The following ROBO1 variants were observed in gnomAD, a reference collection of about 807,000 sequenced individuals.
The protein encoded by ROBO1 is roundabout homolog 1.
ROBO1 carries 149 observed loss-of-function variants against 195.9 expected under a neutral mutation model. The ratio of observed to expected loss-of-function variants is 0.76; its 90% CI spans 0.67 to 0.87. The LOEUF (loss-of-function observed/expected upper bound fraction) is 0.87, where lower values mean the gene tolerates loss of function less well. Among genes scored for constraint, ROBO1 ranks in the 40% least tolerant of loss-of-function variants. The probability of loss-of-function intolerance (pLI) is 0.00; values close to 1 mark genes in which losing one functional copy is unlikely to be tolerated. For missense variants in ROBO1, 1,933 were observed against 2,068.3 expected (o/e 0.93, Z 1.27); for synonymous variants, 816 against 733.2 (o/e 1.11, Z -1.82).
intron 5 of ROBO1, among the ~76,000 whole-genome samples, chr3:78,733,534 A>AAAAGT (rs2082328180): frequency 6.6e-6 from 1 of 152,190 alleles, no homozygotes; most frequent in African/African-American, 2.4e-5. Context: ...GGAATTACTA[A>AAAAGT]AAAGTATTGA....
intron 2 of ROBO1, among the ~76,000 whole-genome samples, chr3:79,515,503 C>T (rs1288350195): frequency 1.3e-5 from 2 of 152,108 alleles, no homozygotes; most frequent in Non-Finnish European, 2.9e-5. Flanking sequence ...GCTGAGCAGA[C>T]GTTCCTTTAA....
At chr3:78,996,049 T>C (rs1376201185) in intron 3 of ROBO1, among the ~76,000 whole-genome samples, 1 of 152,086 alleles carries the variant, frequency 6.6e-6, no homozygotes, top group Non-Finnish European at 1.5e-5. Context: ...GACCATCTAG[T>C]TTTTTCAGAG....
intron 2 of ROBO1, among the ~76,000 whole-genome samples, chr3:79,335,805 G>C (rs2034641725): frequency 6.6e-6 from 1 of 152,158 alleles, no homozygotes; most frequent in African/African-American, 2.4e-5. Flanking sequence ...TGGAGAGCTT[G>C]GAAGAAGACA....
At chr3:79,048,105 C>T (rs956527599) in intron 3 of ROBO1, among the ~76,000 whole-genome samples, 1 of 152,076 alleles carries the variant, frequency 6.6e-6, no homozygotes, top group Admixed American at 6.6e-5. Flanking sequence ...GGTTACCTTG[C>T]AACCTTCCCA....
chr3:79,472,795 A>T (rs886877990), intron 2 of ROBO1, among the ~76,000 whole-genome samples: 4 of 152,176 alleles, frequency 2.6e-5, no homozygotes, highest in African/African-American at 9.6e-5. Context: ...TCTGGAGAAG[A>T]CAATCATTAA....
chr3:79,242,212 T>G (rs2082532381), intron 2 of ROBO1, among the ~76,000 whole-genome samples: 2 of 151,988 alleles, frequency 1.3e-5, no homozygotes, highest in South Asian at 4.1e-4. Flanking sequence ...AAGGAGCCTG[T>G]GTCTCTGACC....
chr3:79,474,868 T>C (rs1424691452), intron 2 of ROBO1, among the ~76,000 whole-genome samples: 2 of 152,040 alleles, frequency 1.3e-5, no homozygotes, highest in African/African-American at 4.8e-5. Context: ...GAATGTTGTA[T>C]AAAAATAACA....
At chr3:79,718,687 G>A (rs886235553) in intron 1 of ROBO1, among the ~76,000 whole-genome samples, 1 of 151,814 alleles carries the variant, frequency 6.6e-6, no homozygotes, top group South Asian at 2.1e-4. Context: ...AAATGGGCAT[G>A]GAAATAGAGT....
At chr3:79,126,685 T>C (rs572296417) in intron 2 of ROBO1, among the ~76,000 whole-genome samples, 1 of 152,294 alleles carries the variant, frequency 6.6e-6, no homozygotes, top group African/African-American at 2.4e-5. Context: ...GGATTTCTTG[T>C]TCTGAGCAGT....
At chr3:79,382,287 A>C (rs1217654644) in intron 2 of ROBO1, among the ~76,000 whole-genome samples, 1 of 152,234 alleles carries the variant, frequency 6.6e-6, no homozygotes, top group Non-Finnish European at 1.5e-5. Flanking sequence ...AACCTACTGT[A>C]CAACTTATAA....
At chr3:78,868,380 G>GA (rs5850400) in intron 4 of ROBO1, among the ~76,000 whole-genome samples, 55,766 of 149,874 alleles carry the variant, frequency 0.37, 10,731 homozygotes, top group African/African-American at 0.48. Context: ...AATTGAAAAA[G>GA]AAAAAAAAAG....
At chr3:79,241,828 G>A (rs2082524663) in intron 2 of ROBO1, among the ~76,000 whole-genome samples, 1 of 151,692 alleles carries the variant, frequency 6.6e-6, no homozygotes, top group Admixed American at 6.6e-5. Flanking sequence ...AAGATTTAGA[G>A]TAATGATGCA....
intron 2 of ROBO1, among the ~76,000 whole-genome samples, chr3:79,463,164 G>A (rs930898480): frequency 1.3e-5 from 2 of 152,022 alleles, no homozygotes; most frequent in African/African-American, 4.8e-5. Flanking sequence ...GCGAGGTCAG[G>A]AGATCAAGAC....
chr3:78,623,444 A>G (rs1354181957), intron 26 of ROBO1, among the ~76,000 whole-genome samples: 2 of 152,144 alleles, frequency 1.3e-5, no homozygotes, highest in Non-Finnish European at 2.9e-5. Context: ...CATCACAGAC[A>G]TTGTTCGGGG....
intron 2 of ROBO1, among the ~76,000 whole-genome samples, chr3:79,582,284 C>T (rs1943686470): frequency 6.6e-6 from 1 of 151,614 alleles, no homozygotes; most frequent in Admixed American, 6.6e-5. Flanking sequence ...GCAACCTCTT[C>T]TTATATATTC....
At chr3:79,203,316 C>G (rs746510366) in intron 2 of ROBO1, among the ~76,000 whole-genome samples, 7 of 152,104 alleles carry the variant, frequency 4.6e-5, no homozygotes, top group Admixed American at 1.3e-4. Context: ...CATAAAGTGC[C>G]TGAATTGGCA....
chr3:78,886,994 G>A (rs1266746034), intron 4 of ROBO1, among the ~76,000 whole-genome samples: 1 of 152,044 alleles, frequency 6.6e-6, no homozygotes, highest in East Asian at 1.9e-4. Context: ...CTTTAGTTAT[G>A]TAATTTTCTG....
Position 78,646,154 on chromosome 3 carries a change from C to T in ROBO1, c.2876G>A (p.Gly959Glu), listed in dbSNP as rs1348595077. 1 of 1,607,576 alleles carries T rather than the reference C, an allele frequency of 6.2e-7. No homozygotes were observed. Among genetic ancestry groups the T allele is most frequent in the Admixed American group, 1.7e-5 (1 of 59,858 alleles). The change falls in exon 21 of 31, where the codon GGA becomes GAA. Residue 959 changes from glycine (G) to glutamate (E), a missense_variant. Physicochemically the swap from Gly to Glu is moderately conservative, Grantham distance 98 (BLOSUM62 -2). Transcript: ENST00000464233. Reference sequence around the variant, plus strand: ...AAACAAGCAAGATAATTACCTCCCTCCACTGCTGACAGCTTCGCCTCCTCT... The same window carrying T: ...AAACAAGCAAGATAATTACCTCCCTTCACTGCTGACAGCTTCGCCTCCTCT... ...YQRGGEAVSS[G>E]GRPGLLNISE...
intron 2 of ROBO1, among the ~76,000 whole-genome samples, chr3:79,555,660 C>T (rs940559913): frequency 6.6e-6 from 1 of 152,030 alleles, no homozygotes; most frequent in Non-Finnish European, 1.5e-5. Flanking sequence ...TGTTATGGAG[C>T]TTTTGATAGT....
Sources: gnomAD v4.1 joint callset for allele counts (sites outside exome capture counted in the v4.1 genomes callset) on GRCh38, gnomAD v4.1.1 for gene constraint, MANE v1.5 for transcripts, NCBI Gene and HGNC (gene_info 2026-07-23, HGNC 2026-07-21) for gene names.